ATP8B4: variants seen among roughly 807,000 people sequenced by gnomAD.
The protein encoded by ATP8B4 is probable phospholipid-transporting ATPase IM.
In ATP8B4, 133 loss-of-function variants were observed where a neutral mutation model predicts 145.6. The observed-to-expected ratio is 0.91, with a 90% CI of 0.79 to 1.05. ATP8B4 has a LOEUF of 1.05. Among genes scored for constraint, ATP8B4 ranks in the 50% least tolerant of loss-of-function variants. ATP8B4 has a pLI of 0.00. For synonymous variants in ATP8B4, 507 were observed against 492.9 expected (o/e 1.03, Z -0.38); for missense variants, 1,458 against 1,425.2 (o/e 1.02, Z -0.37).
chr15:49,947,371 C>CA (rs2042659786), intron 14 of ATP8B4, among the ~76,000 whole-genome samples: 1 of 140,178 alleles, frequency 7.1e-6, no homozygotes, highest in Non-Finnish European at 1.5e-5. Flanking sequence ...GCAGAGGTTG[C>CA]AAGTGAGCTG....
chr15:50,055,893 G>C (rs905550169), intron 3 of ATP8B4, among the ~76,000 whole-genome samples: 1 of 152,160 alleles, frequency 6.6e-6, no homozygotes, highest in Non-Finnish European at 1.5e-5. Context: ...CTGGAGATTA[G>C]ACATCTGGTA....
At chr15:49,993,073 C>T (rs533304523) in intron 9 of ATP8B4, among the ~76,000 whole-genome samples, 6 of 151,852 alleles carry the variant, frequency 4.0e-5, no homozygotes, top group Non-Finnish European at 5.9e-5. Flanking sequence ...AGAAAAAGAA[C>T]GAGGAGCAAA....
At chr15:50,161,666 T>A (rs2044520631) in intron 1 of ATP8B4, among the ~76,000 whole-genome samples, 1 of 151,898 alleles carries the variant, frequency 6.6e-6, no homozygotes, top group East Asian at 1.9e-4. Flanking sequence ...TTTAACTATA[T>A]CCCCCACTTT....
At chr15:49,921,191 C>T (rs950137378) in intron 17 of ATP8B4, among the ~76,000 whole-genome samples, 55 of 151,992 alleles carry the variant, frequency 3.6e-4, no homozygotes, top group African/African-American at 1.2e-3. Context: ...TAGACTCCTC[C>T]GTGAAACTTT....
chr15:50,120,026 A>AT (rs1245752311), upstream of ATP8B4, among the ~76,000 whole-genome samples: 1 of 152,160 alleles, frequency 6.6e-6, no homozygotes, highest in African/African-American at 2.4e-5. Context: ...ATTTTGGTGC[A>AT]TATCTATTTT....
chr15:50,048,252 C>T (rs991724552), intron 3 of ATP8B4, among the ~76,000 whole-genome samples: 5 of 151,730 alleles, frequency 3.3e-5, no homozygotes, highest in Non-Finnish European at 7.4e-5. Context: ...CATATTAATG[C>T]CATTTCTAAT....
At chr15:50,174,141 C>G (rs547277514) in intron 1 of ATP8B4, among the ~76,000 whole-genome samples, 1 of 152,222 alleles carries the variant, frequency 6.6e-6, no homozygotes, top group South Asian at 2.1e-4. Context: ...AAGGGACATA[C>G]CTCAATGTAA....
chr15:49,935,294 T>C lies in ATP8B4; in HGVS notation c.1288-1112A>G, dbSNP rs530776425. On this transcript the variant is annotated intron_variant, in intron 14 of 27. Transcript: ENST00000284509. ...TAATCTTCCGAACAATGATGTGTAGTGGATACTACTATTATCCCCGTTTTA... is the reference window on the plus strand; with the variant it reads ...TAATCTTCCGAACAATGATGTGTAGCGGATACTACTATTATCCCCGTTTTA... Among the ~76,000 whole-genome samples the C allele has an allele frequency of 3.9e-5, 6 of 152,266 alleles. No individual in the cohort carries two copies. In the South Asian group the frequency reaches 1.2e-3, roughly 32 times the overall value.
At chr15:50,137,725 G>A (rs1469531133) in intron 1 of ATP8B4, among the ~76,000 whole-genome samples, 1 of 152,170 alleles carries the variant, frequency 6.6e-6, no homozygotes, top group Non-Finnish European at 1.5e-5. Flanking sequence ...TTCTTCTTGT[G>A]AAGTGACGCA....
chr15:50,005,182 A>C (rs1277344301), intron 7 of ATP8B4, among the ~76,000 whole-genome samples: 1 of 152,118 alleles, frequency 6.6e-6, no homozygotes, highest in Admixed American at 6.6e-5. Flanking sequence ...TATGTTCTTC[A>C]TGAAGGAACC....
At chr15:50,069,591 T>C (rs1600177011) in intron 3 of ATP8B4, among the ~76,000 whole-genome samples, 1 of 152,326 alleles carries the variant, frequency 6.6e-6, no homozygotes, top group East Asian at 1.9e-4. Context: ...ATCTCCTTTA[T>C]CTACTTTTGT....
rs766188881 is a variant in ATP8B4, at chr15:49,898,327, G to C, written c.2290-76C>G. 62 of 1,429,432 alleles carry C rather than the reference G, an allele frequency of 4.3e-5. 1 individual carries two copies. Among genetic ancestry groups the C allele is most frequent in the Middle Eastern group, 3.6e-4 (2 of 5,552 alleles). 88.5% of individuals were successfully genotyped at this position (1,429,432 alleles called of 1,614,324 possible). On this transcript the variant is annotated intron_variant, in intron 21 of 27. Coordinates refer to ENST00000284509, the MANE Select transcript of ATP8B4 (RefSeq NM_024837.4). ...GGTTGAGAAACAAGACAAATGTTTTGTTTGCTAAAACCATTTCATTTGTTT... is the reference window on the plus strand; with the variant it reads ...GGTTGAGAAACAAGACAAATGTTTTCTTTGCTAAAACCATTTCATTTGTTT...
intron 10 of ATP8B4, among the ~76,000 whole-genome samples, chr15:49,985,388 G>A (rs560522966): frequency 1.8e-4 from 27 of 152,270 alleles, no homozygotes; most frequent in Admixed American, 7.2e-4. Context: ...GAGCCACCGC[G>A]CCCAGCAGAT....
intron 7 of ATP8B4, 67 bp downstream of exon 7, chr15:50,010,777 TG>T: frequency 9.3e-7 from 1 of 1,072,834 alleles, no homozygotes; most frequent in East Asian, 2.9e-5. Flanking sequence ...AATTTGCAAA[TG>T]TAAATACTTC....
At chr15:50,146,638 C>T (rs554158946) in intron 1 of ATP8B4, among the ~76,000 whole-genome samples, 1 of 152,286 alleles carries the variant, frequency 6.6e-6, no homozygotes, top group African/African-American at 2.4e-5. Flanking sequence ...GCTGGTGTTG[C>T]AGGACTTTTC....
At chr15:49,876,171 A>G (rs2034385620) in intron 25 of ATP8B4, 107 bp downstream of exon 25, 1 of 1,421,004 alleles carries the variant, frequency 7.0e-7, no homozygotes, top group Non-Finnish European at 9.5e-7. Context: ...CAGCCCCAGT[A>G]TTCCTTTAGG....
At chr15:49,918,032 C>T (rs925599061) in intron 19 of ATP8B4, among the ~76,000 whole-genome samples, 2 of 152,128 alleles carry the variant, frequency 1.3e-5, no homozygotes, top group African/African-American at 4.8e-5. Context: ...TGCAGATCCC[C>T]TAATGCTATA....
chr15:49,915,588 A>G (rs1172710441), intron 20 of ATP8B4, among the ~76,000 whole-genome samples: 3 of 152,134 alleles, frequency 2.0e-5, no homozygotes, highest in African/African-American at 2.4e-5. Flanking sequence ...ATGTATAAAT[A>G]TTGTATATCA....
intron 9 of ATP8B4, among the ~76,000 whole-genome samples, chr15:49,994,878 G>A (rs2047303646): frequency 6.6e-6 from 1 of 152,088 alleles, no homozygotes; most frequent in Admixed American, 6.6e-5. Context: ...AGGGCCAGGT[G>A]ACAATGTTAG....
Sources: allele counts gnomAD v4.1 joint callset (sites outside exome capture counted in the v4.1 genomes callset), GRCh38; gene constraint gnomAD v4.1.1; transcripts MANE v1.5; gene names NCBI Gene and HGNC (gene_info 2026-07-23, HGNC 2026-07-21).